MRPL44: variants seen among roughly 807,000 people sequenced by gnomAD.
MRPL44 encodes the protein large ribosomal subunit protein mL44.
In MRPL44, 21 loss-of-function variants were observed where a neutral mutation model predicts 25.9. The ratio of observed to expected loss-of-function variants is 0.81; its 90% CI spans 0.58 to 1.17. MRPL44 has a LOEUF of 1.17. Ranked by LOEUF, MRPL44 falls within the 50% of genes most tolerant of loss-of-function variation. The probability of loss-of-function intolerance (pLI) is 0.00; values close to 1 mark genes in which losing one functional copy is unlikely to be tolerated. For missense variants in MRPL44, 410 were observed against 398.9 expected, an observed-to-expected ratio of 1.03 and a Z score of -0.24; for synonymous variants, 169 against 151.0, an observed-to-expected ratio of 1.12 and a Z score of -0.87.
intron 2 of MRPL44, among the ~76,000 whole-genome samples, chr2:223,961,112 TA>T (rs1689653817): frequency 6.6e-6 from 1 of 152,232 alleles, no homozygotes; most frequent in Non-Finnish European, 1.5e-5. Context: ...CTGAAGCCGC[TA>T]TCTAAATAGG....
chr2:223,959,934 A>T lies in MRPL44; in HGVS notation c.580A>T (p.Thr194Ser). The change falls in exon 2 of 4, where the codon ACT becomes TCT. Residue 194 changes from threonine (T) to serine (S), a missense_variant. Transcript: ENST00000258383. ...AGTGCCCCCAGCTGTGTTACAGCAG[A>T]CTTTCTTTGCAGTTATTGGAGCCCT... is the stretch of plus-strand genomic sequence containing the variant. ...FPVPPAVLQQ[T>S]FFAVIGALLQ... 6.2e-7 allele frequency: 1 copy of T among 1,614,214 alleles called. No homozygotes were observed. The highest frequency in any genetic ancestry group is 8.5e-7 in the Non-Finnish European group (1 of 1,180,040).
chr2:223,959,990 A>G lies in MRPL44; in HGVS notation c.636A>G (p.Ala212=), dbSNP rs770624708. The change falls in exon 2 of 4, where the codon GCA becomes GCG. Residue 212 remains alanine (A), a synonymous_variant. Coordinates refer to ENST00000258383, the MANE Select transcript of MRPL44 (RefSeq NM_022915.5). ...LLQSSGPERT[A]LFIRDFLITQ... The stretch of plus-strand genomic sequence containing the variant: ...AGAGCAGTGGACCTGAGAGGACTGC[A>G]CTTTTCATCAGGGTACGTAACTATT... 7 of 1,610,742 alleles carry G rather than the reference A, an allele frequency of 4.3e-6. No individual in the cohort carries two copies. Among genetic ancestry groups the G allele is most frequent in the Admixed American group, 1.7e-5 (1 of 59,578 alleles).
chr2:223,951,561 G>A, the MRPL44 span, among the ~76,000 whole-genome samples: 17 of 144,338 alleles, frequency 1.2e-4, no homozygotes, highest in Non-Finnish European at 1.9e-4. Context: ...TCACTGAAAC[G>A]TCTGCCTCCC....
rs1689703318 is a variant in MRPL44, at chr2:223,963,832, T to C, written c.725T>C (p.Val242Ala). 4 of 1,613,808 alleles carry C rather than the reference T, an allele frequency of 2.5e-6. No homozygotes were observed. The highest frequency in any genetic ancestry group is 2.5e-6 in the Non-Finnish European group (3 of 1,179,892). The change falls in exon 3 of 4, where the codon GTA becomes GCA. Residue 242 changes from valine to alanine, a missense_variant. Physicochemically the swap from Val to Ala is moderately conservative, Grantham distance 64. Transcript: ENST00000258383. ...WKIINPMGLL[V>A]EELKKRNVSA... ...ATAATAAATCCCATGGGGCTATTGGTAGAAGAACTGAAGAAAAGGAATGTT... is the reference window on the plus strand; with the variant it reads ...ATAATAAATCCCATGGGGCTATTGGCAGAAGAACTGAAGAAAAGGAATGTT...
At chr2:223,959,300 A>G (rs1481672406) in intron 1 of MRPL44, among the ~76,000 whole-genome samples, 1 of 152,226 alleles carries the variant, frequency 6.6e-6, no homozygotes, top group Non-Finnish European at 1.5e-5. Flanking sequence ...TTCATGTGAC[A>G]ATTGGATCAA....
At chr2:223,957,427 T>C, upstream of MRPL44, 4 of 1,611,028 alleles carry the variant, frequency 2.5e-6, no homozygotes, top group Non-Finnish European at 3.4e-6. Context: ...ACGGGGACAC[T>C]GGCCCGACTA....
In MRPL44 at chr2:223,967,087, A is replaced by C; in HGVS notation, c.*53A>C. 7.4e-6 allele frequency: 11 copies of C among 1,492,356 alleles called. No homozygotes were observed. Among genetic ancestry groups the C allele is most frequent in the Admixed American group, 2.1e-5 (1 of 47,280 alleles). 92.4% of individuals were successfully genotyped at this position (1,492,356 alleles called of 1,614,324 possible). A position where few individuals can be genotyped will look rare whatever the true frequency, so the allele number is the denominator to read the frequency against. ...TGAGAGCGAAAGTGAGATAAATGTC[A>C]AAGGTGTTTCAAGCCAGACATTTTC... On this transcript the variant is annotated 3_prime_UTR_variant, in exon 4 of 4. Transcript: ENST00000258383.
chr2:223,951,138 A>C, the MRPL44 span, among the ~76,000 whole-genome samples: 1 of 152,226 alleles, frequency 6.6e-6, no homozygotes, highest in Non-Finnish European at 1.5e-5. Flanking sequence ...GGAGGAAGTG[A>C]TCGACTGTGT....
At chr2:223,954,504 G>A (rs539952169), upstream of MRPL44, among the ~76,000 whole-genome samples, 17 of 152,194 alleles carry the variant, frequency 1.1e-4, no homozygotes, top group East Asian at 1.9e-4. Flanking sequence ...CAGTCAAAGC[G>A]CTGGCCAGTA....
chr2:223,951,658 T>C, the MRPL44 span, among the ~76,000 whole-genome samples: 17 of 152,170 alleles, frequency 1.1e-4, no homozygotes, highest in Non-Finnish European at 1.8e-4. Flanking sequence ...TTTGTATTTT[T>C]AGTAGAGATG....
chr2:223,967,045 T>C lies in MRPL44; in HGVS notation c.*11T>C. ...ATCACTGCCAGCTAGCCGCCATGGA[T>C]GCAGCAGCCTGAAACTTGAGAGCGA... On this transcript the variant is annotated 3_prime_UTR_variant, in exon 4 of 4. Coordinates refer to ENST00000258383, the MANE Select transcript of MRPL44 (RefSeq NM_022915.5). The C allele has an allele frequency of 2.5e-6, 4 of 1,589,256 alleles. No homozygotes were observed. The highest frequency in any genetic ancestry group is 1.7e-6 in the Non-Finnish European group (2 of 1,166,934).
intron 1 of MRPL44, 71 bp from the exon 2 acceptor site, chr2:223,959,463 C>A: frequency 8.6e-7 from 1 of 1,162,506 alleles, no homozygotes; most frequent in South Asian, 1.5e-5. Flanking sequence ...CATTACAACA[C>A]AGTGAACAAT....
intron 1 of MRPL44, 26 bp from the exon 2 acceptor site, chr2:223,959,508 A>T: frequency 6.5e-7 from 1 of 1,545,520 alleles, no homozygotes; most frequent in Non-Finnish European, 8.8e-7. Context: ...TCTCTTTACC[A>T]TCTCTTACTG....
intron 1 of MRPL44, among the ~76,000 whole-genome samples, chr2:223,959,078 A>C (rs1375839343): frequency 6.6e-6 from 1 of 152,208 alleles, no homozygotes; most frequent in Non-Finnish European, 1.5e-5. Context: ...AGCATCCATG[A>C]ATTTCAGTAT....
At chr2:223,957,290 G>T (rs1689578832), upstream of MRPL44, 3 of 665,968 alleles carry the variant, frequency 4.5e-6, no homozygotes, top group East Asian at 5.4e-5. Flanking sequence ...GCCTCAAGGC[G>T]GCCGCAATCA....
rs768038483 is a variant in MRPL44 at position 223,963,819 on chromosome 2, A to AT, written c.713dup (p.Met238IlefsTer17). 6.8e-6 allele frequency: 11 copies of AT among 1,613,748 alleles called. No homozygotes were observed. Among genetic ancestry groups the AT allele is most frequent in the Non-Finnish European group, 9.3e-6 (11 of 1,179,800 alleles). On this transcript the variant is annotated frameshift_variant, in exon 3 of 4. Transcript: ENST00000258383. LOFTEE classifies it high-confidence loss of function. The stretch of plus-strand genomic sequence containing the variant: ...TGAGATGTGGAAGATAATAAATCCC[A>AT]TGGGGCTATTGGTAGAAGAACTGAA...
Position 223,957,520 on chromosome 2 carries a change from C to G in MRPL44, c.48C>G (p.Leu16=). The G allele has an allele frequency of 6.2e-7, 1 of 1,614,136 alleles. No individual in the cohort carries two copies. The highest frequency in any genetic ancestry group is 8.5e-7 in the Non-Finnish European group (1 of 1,180,032). ...VRLLQQGHRC[L]LAPVAPKLVP... is the part of the protein sequence containing the mutation. ...TGCTGCAGCAGGGACATCGCTGCCT[C>G]CTGGCTCCAGTCGCCCCCAAGCTGG... Residue 16 remains leucine, a synonymous_variant, in exon 1 of 4, where the codon CTC becomes CTG. Coordinates refer to ENST00000258383, the MANE Select transcript of MRPL44 (RefSeq NM_022915.5).
At chr2:223,957,179 A>G (rs1202033558), upstream of MRPL44, among the ~76,000 whole-genome samples, 4 of 152,396 alleles carry the variant, frequency 2.6e-5, no homozygotes, top group African/African-American at 9.6e-5. Flanking sequence ...AGAGAGTGAC[A>G]GGGTGAAGCA....
At chr2:223,959,312 G>C (rs564335593) in intron 1 of MRPL44, among the ~76,000 whole-genome samples, 3 of 152,284 alleles carry the variant, frequency 2.0e-5, no homozygotes, top group Non-Finnish European at 4.4e-5. Flanking sequence ...TTGGATCAAA[G>C]GGAAAATTAA....
Sources: gnomAD v4.1 joint callset for allele counts (sites outside exome capture counted in the v4.1 genomes callset) on GRCh38, gnomAD v4.1.1 for gene constraint, MANE v1.5 for transcripts, NCBI Gene and HGNC (gene_info 2026-07-23, HGNC 2026-07-21) for gene names.